The following PAK4 variants were observed in gnomAD, a reference collection of about 807,000 sequenced individuals.
The protein encoded by PAK4 is p21 (RAC1) activated kinase 4.
In PAK4, 49 loss-of-function variants were observed where a neutral mutation model predicts 53.5. The observed-to-expected ratio is 0.92, with a 90% CI of 0.73 to 1.16. The LOEUF (loss-of-function observed/expected upper bound fraction) is 1.16, where lower values mean the gene tolerates loss of function less well. PAK4 is among the 50% of genes most tolerant of loss of function. The probability of loss-of-function intolerance (pLI) is 0.00; values close to 1 mark genes in which losing one functional copy is unlikely to be tolerated. For synonymous variants in PAK4, 376 were observed against 375.6 expected (o/e 1.00, Z -0.01); for missense variants, 824 against 850.7 (o/e 0.97, Z 0.39).
intron 2 of PAK4, among the ~76,000 whole-genome samples, chr19:39,171,169 G>A (rs1394188432): frequency 6.6e-6 from 1 of 151,976 alleles, no homozygotes; most frequent in Non-Finnish European, 1.5e-5. Context: ...GCCCTTGACC[G>A]GGCCTCAGGC....
rs767574807 is a variant in PAK4, at chr19:39,178,610, C to T, written c.*31C>T. ...AGCGCCCTTCCCCTCAACCAAAGAG[C>T]CCCCCGGGTCACCCCCGCCCCACTG... On this transcript the variant is annotated 3_prime_UTR_variant, in exon 9 of 9. Coordinates refer to ENST00000358301, the Ensembl canonical transcript of PAK4. This position sits in a 1 kb window ranked among gnomAD's most constrained non-coding sequence, Gnocchi z 4.4. 4.5e-6 allele frequency: 7 copies of T among 1,540,904 alleles called. No individual in the cohort carries two copies. Among genetic ancestry groups the T allele is most frequent in the Non-Finnish European group, 6.2e-6 (7 of 1,137,382 alleles).
intron 1 of PAK4, among the ~76,000 whole-genome samples, chr19:39,127,455 C>G (rs907700941): frequency 1.3e-5 from 2 of 152,088 alleles, no homozygotes; most frequent in Non-Finnish European, 2.9e-5. Flanking sequence ...CTTTTTCTCT[C>G]ATCTGACCAG....
chr19:39,142,551 C>G (rs538928233), intron 1 of PAK4, among the ~76,000 whole-genome samples: 1 of 151,858 alleles, frequency 6.6e-6, no homozygotes, highest in African/African-American at 2.4e-5. Context: ...AGGCTCGGGT[C>G]CCCCCTTCCC....
chr19:39,175,977 G>A lies in PAK4; in HGVS notation c.1359+539G>A, dbSNP rs1293788564. On this transcript the variant is annotated intron_variant, in intron 6 of 8. Coordinates refer to ENST00000358301, the Ensembl canonical transcript of PAK4. The surrounding 1 kb of genome is among the most constrained non-coding windows in gnomAD (Gnocchi z 4.7). ...TCCAGGCAGAGGCAGAGAGAGCTCT[G>A]TGTCACTGACAGTCTGAAAATCTCC... is the stretch of plus-strand genomic sequence containing the variant. Among the ~76,000 whole-genome samples, 1 of 152,222 alleles carries A rather than the reference G, an allele frequency of 6.6e-6. No individual in the cohort carries two copies. The highest frequency in any genetic ancestry group is 1.5e-5 in the Non-Finnish European group (1 of 68,036).
chr19:39,170,801 C>G (rs946124680), intron 2 of PAK4, among the ~76,000 whole-genome samples: 2 of 152,230 alleles, frequency 1.3e-5, no homozygotes, highest in African/African-American at 4.8e-5. Context: ...CTTTTGAATG[C>G]TTTGACTTCT....
chr19:39,177,554 C>G (rs933462998), intron 7 of PAK4, 121 bp from the exon 9 acceptor site: 82 of 1,108,824 alleles, frequency 7.4e-5, no homozygotes, highest in Admixed American at 2.1e-4. Context: ...AGAGGGAGTT[C>G]TGGGCCAAGG....
At chr19:39,169,877 A>G in intron 2 of PAK4, 120 bp downstream of exon 3, 2 of 729,112 alleles carry the variant, frequency 2.7e-6, no homozygotes, top group South Asian at 3.6e-5. Context: ...ATGGAGACAA[A>G]CCCCAGCCTT....
intron 1 of PAK4, among the ~76,000 whole-genome samples, chr19:39,147,342 G>C (rs2074017820): frequency 6.6e-6 from 1 of 152,190 alleles, no homozygotes; most frequent in African/African-American, 2.4e-5. Flanking sequence ...TGCTGATAGT[G>C]ACTACTGAGT....
Position 39,173,948 on chromosome 19 carries a change from C to T in PAK4, c.1036C>T (p.Leu346=), listed in dbSNP as rs767159152. The stretch of plus-strand genomic sequence containing the variant: ...CGCCACCGTGCGCAGCTCGGGCAAG[C>T]TGGTGGCCGTCAAGAAGATGGACCT... Residue 346 remains leucine, a synonymous_variant, in exon 4 of 9, where the codon CTG becomes TTG. Coordinates refer to ENST00000358301, the Ensembl canonical transcript of PAK4. This position sits in a 1 kb window ranked among gnomAD's most constrained non-coding sequence, Gnocchi z 6.9. 2 of 1,610,918 alleles carry T rather than the reference C, an allele frequency of 1.2e-6. No homozygotes were observed. Among genetic ancestry groups the T allele is most frequent in the Non-Finnish European group, 8.5e-7 (1 of 1,179,374 alleles).
intron 1 of PAK4, among the ~76,000 whole-genome samples, chr19:39,154,674 C>A (rs1478316884): frequency 6.6e-6 from 1 of 152,188 alleles, no homozygotes; most frequent in Non-Finnish European, 1.5e-5. Context: ...TTGGGGACCT[C>A]GTTTCCTGTG....
At chr19:39,146,957 A>G (rs919344140) in intron 1 of PAK4, among the ~76,000 whole-genome samples, 3 of 152,038 alleles carry the variant, frequency 2.0e-5, no homozygotes, top group Non-Finnish European at 4.4e-5. Context: ...GAAATAATAC[A>G]GAGAGGAGGT....
At chr19:39,128,150 C>G (rs1002774269) in intron 1 of PAK4, among the ~76,000 whole-genome samples, 5 of 152,224 alleles carry the variant, frequency 3.3e-5, no homozygotes, top group Admixed American at 2.6e-4. Flanking sequence ...CCTCCGTTTC[C>G]ACTTCTGCAA....
At position 39,177,818 on chromosome 19, in the gene PAK4, C is replaced by T. The variant is rs375853765; in HGVS notation, c.1620+9C>T. The stretch of plus-strand genomic sequence containing the variant: ...TGAAGAACCTGCACAAGGTAGGCCC[C>T]TCCCTGGCTGGGAAACTGTGCGCCA... On this transcript the variant is annotated intron_variant, in intron 8 of 8. Coordinates refer to ENST00000358301, the Ensembl canonical transcript of PAK4. The T allele has an allele frequency of 5.0e-6, 8 of 1,600,710 alleles. No homozygotes were observed. Among genetic ancestry groups the T allele is most frequent in the Non-Finnish European group, 6.8e-6 (8 of 1,172,928 alleles).
At chr19:39,134,076 A>G (rs901940679) in intron 1 of PAK4, among the ~76,000 whole-genome samples, 17 of 152,150 alleles carry the variant, frequency 1.1e-4, no homozygotes, top group African/African-American at 3.6e-4. Context: ...TGCCGCCCAC[A>G]GGGGCCTCCA....
intron 1 of PAK4, among the ~76,000 whole-genome samples, chr19:39,156,220 G>A (rs890205226): frequency 1.3e-4 from 20 of 152,264 alleles, no homozygotes; most frequent in South Asian, 4.1e-4. Flanking sequence ...GCCTTGGTCG[G>A]GGTGGAGGAG....
intron 1 of PAK4, among the ~76,000 whole-genome samples, chr19:39,154,367 CT>C (rs1257070618): frequency 6.6e-6 from 1 of 152,120 alleles, no homozygotes; most frequent in Non-Finnish European, 1.5e-5. Flanking sequence ...TGCCATTTCT[CT>C]TGTTTTTTTA....
At chr19:39,138,496 C>A (rs561471431) in intron 1 of PAK4, among the ~76,000 whole-genome samples, 56 of 152,354 alleles carry the variant, frequency 3.7e-4, no homozygotes, top group African/African-American at 1.3e-3. Flanking sequence ...TTGTTTATGT[C>A]TTCTCGTTCA....
At chr19:39,155,153 C>T (rs2074157373) in intron 1 of PAK4, among the ~76,000 whole-genome samples, 1 of 152,122 alleles carries the variant, frequency 6.6e-6, no homozygotes, top group Non-Finnish European at 1.5e-5. Flanking sequence ...GGGTGCCCAT[C>T]CTGGGTCCGG....
In PAK4 at chr19:39,151,682, T is replaced by C. The variant is rs370673979; in HGVS notation, c.-22-17850T>C. On this transcript the variant is annotated intron_variant, in intron 1 of 8. Coordinates refer to ENST00000358301, the Ensembl canonical transcript of PAK4. ...GGGAAAGATCACCAAGACCCACATATATATGCAGCATGTCTGTGGTTTCAG... is the reference window on the plus strand; with the variant it reads ...GGGAAAGATCACCAAGACCCACATACATATGCAGCATGTCTGTGGTTTCAG... Among the ~76,000 whole-genome samples, 59 of 152,338 alleles carry C rather than the reference T, an allele frequency of 3.9e-4. 1 individual carries two copies. The South Asian group carries it at 0.011, about 27-fold the overall frequency.
Sources: gnomAD v4.1 joint callset for allele counts (sites outside exome capture counted in the v4.1 genomes callset) on GRCh38, gnomAD v4.1.1 for gene constraint, Gnocchi (gnomAD v3.1) non-coding constraint, MANE v1.5 for transcripts, NCBI Gene and HGNC (gene_info 2026-07-23, HGNC 2026-07-21) for gene names.